The following MAML3 variants were observed in gnomAD, a reference collection of about 807,000 sequenced individuals.
The protein encoded by MAML3 is mastermind like transcriptional coactivator 3.
In MAML3, 27 loss-of-function variants were observed where a neutral mutation model predicts 101.9. That is an observed-to-expected ratio of 0.27 (90% confidence interval 0.20 to 0.37). The LOEUF is 0.37. Among genes scored for constraint, MAML3 ranks in the 10% least tolerant of loss-of-function variants. The pLI, the probability that MAML3 is intolerant of heterozygous loss-of-function variation, is 1.00. For missense variants in MAML3, 1,316 were observed against 1,444.9 expected, an observed-to-expected ratio of 0.91 and a Z score of 1.45; for synonymous variants, 501 against 555.9, an observed-to-expected ratio of 0.90 and a Z score of 1.39.
intron 1 of MAML3, among the ~76,000 whole-genome samples, chr4:139,952,684 C>T (rs1349099861): frequency 6.6e-6 from 1 of 152,148 alleles, no homozygotes; most frequent in African/African-American, 2.4e-5. Flanking sequence ...GCTGCCCAGC[C>T]AAGGACTGCA....
At chr4:139,807,175 C>T (rs1018087893) in intron 2 of MAML3, among the ~76,000 whole-genome samples, 8 of 152,132 alleles carry the variant, frequency 5.3e-5, no homozygotes, top group African/African-American at 9.7e-5. Flanking sequence ...AGCCATTTAT[C>T]GTTCTCTAAA....
At chr4:140,055,541 T>C (rs1727336570) in intron 1 of MAML3, among the ~76,000 whole-genome samples, 1 of 152,260 alleles carries the variant, frequency 6.6e-6, no homozygotes, top group African/African-American at 2.4e-5. Flanking sequence ...ATTTTGCTTA[T>C]CTTGAATCTG....
At chr4:139,868,915 A>C (rs1285973487) in intron 2 of MAML3, among the ~76,000 whole-genome samples, 2 of 152,226 alleles carry the variant, frequency 1.3e-5, no homozygotes, top group Non-Finnish European at 2.9e-5. Flanking sequence ...ACAGGAAAAG[A>C]ATTCTAAAAT....
chr4:139,755,922 AAT>A (rs1729640461), intron 2 of MAML3, among the ~76,000 whole-genome samples: 1 of 152,244 alleles, frequency 6.6e-6, no homozygotes, highest in African/African-American at 2.4e-5. Flanking sequence ...GTTGGTTGAA[AAT>A]AGTTTTTGCA....
At chr4:139,932,904 G>A (rs1405814645) in intron 1 of MAML3, among the ~76,000 whole-genome samples, 6 of 152,164 alleles carry the variant, frequency 3.9e-5, no homozygotes, top group Non-Finnish European at 8.8e-5. Flanking sequence ...AGGAAAACCC[G>A]TGGTCTCTGT....
chr4:140,147,915 AATGT>A (rs1378631761), intron 1 of MAML3, among the ~76,000 whole-genome samples: 2 of 45,058 alleles, frequency 4.4e-5, no homozygotes, highest in Admixed American at 6.2e-4. Context: ...TGAATGAGTG[AATGT>A]GTGTGTGTGT....
intron 1 of MAML3, among the ~76,000 whole-genome samples, chr4:139,918,224 T>C (rs576035980): frequency 6.6e-6 from 1 of 152,322 alleles, no homozygotes; most frequent in East Asian, 1.9e-4. Flanking sequence ...AGAGTATGTC[T>C]TTCTGCCTCA....
intron 1 of MAML3, among the ~76,000 whole-genome samples, chr4:140,091,282 T>C (rs1560890451): frequency 6.6e-6 from 1 of 152,044 alleles, no homozygotes; most frequent in Non-Finnish European, 1.5e-5. Context: ...ACAGGCAAGA[T>C]TTTTTTCCTA....
chr4:139,875,339 C>T (rs1280096227), intron 2 of MAML3, among the ~76,000 whole-genome samples: 3 of 152,072 alleles, frequency 2.0e-5, no homozygotes, highest in South Asian at 2.1e-4. Flanking sequence ...GTGGTGGGAG[C>T]GCTGCAAAAA....
intron 1 of MAML3, among the ~76,000 whole-genome samples, chr4:140,022,560 C>T (rs1338366428): frequency 6.6e-6 from 1 of 152,128 alleles, no homozygotes; most frequent in Non-Finnish European, 1.5e-5. Flanking sequence ...ATATTAATAA[C>T]ATGGAAGATC....
intron 1 of MAML3, among the ~76,000 whole-genome samples, chr4:140,116,733 G>A (rs1728524532): frequency 6.6e-6 from 1 of 152,182 alleles, no homozygotes; most frequent in Non-Finnish European, 1.5e-5. Context: ...ATGGCAGCAG[G>A]TTTTTAGAAA....
chr4:140,150,760 G>T lies in MAML3; in HGVS notation c.468+2100C>A, dbSNP rs1729144391. On this transcript the variant is annotated intron_variant, in intron 1 of 4. Transcript: ENST00000509479. Reference sequence around the variant, plus strand: ...TCCTCCGTGGAAGGGCGCTAGGGGGGCGGGGGCTGGGAGAGAAATAGGTTG... The same window carrying T: ...TCCTCCGTGGAAGGGCGCTAGGGGGTCGGGGGCTGGGAGAGAAATAGGTTG... Among the ~76,000 whole-genome samples the T allele has an allele frequency of 1.3e-5, 2 of 152,202 alleles. 1 individual carries two copies. Among genetic ancestry groups the T allele is most frequent in the South Asian group, 4.1e-4 (2 of 4,836 alleles).
At chr4:140,017,993 A>G (rs1180922060) in intron 1 of MAML3, among the ~76,000 whole-genome samples, 1 of 151,976 alleles carries the variant, frequency 6.6e-6, no homozygotes, top group African/African-American at 2.4e-5. Context: ...AGTTATCTCA[A>G]AATAAAAAGG....
intron 1 of MAML3, among the ~76,000 whole-genome samples, chr4:140,078,889 T>C (rs1365185296): frequency 2.0e-5 from 3 of 152,062 alleles, no homozygotes; most frequent in Non-Finnish European, 2.9e-5. Context: ...CCACCAGGCC[T>C]TAGAGACCAT....
At chr4:139,866,941 GAC>G (rs905187942) in intron 2 of MAML3, among the ~76,000 whole-genome samples, 4 of 152,160 alleles carry the variant, frequency 2.6e-5, no homozygotes, top group Admixed American at 2.6e-4. Context: ...AGAGGGCAGG[GAC>G]CACATGTTAA....
Position 139,825,720 on chromosome 4 carries a change from G to A in MAML3, c.2079+63637C>T, listed in dbSNP as rs116410317. ...AAAACACATCAACATCTCTCATCACGTCACTGACCTAAATATAGACAATGA... is the reference window on the plus strand; with the variant it reads ...AAAACACATCAACATCTCTCATCACATCACTGACCTAAATATAGACAATGA... On this transcript the variant is annotated intron_variant, in intron 2 of 4. Transcript: ENST00000509479. Among the ~76,000 whole-genome samples the A allele has an allele frequency of 5.9e-3, 895 of 151,210 alleles. 13 individuals carry two copies. The highest frequency in any genetic ancestry group is 0.02 in the African/African-American group (828 of 41,070).
chr4:139,730,505 C>A lies in MAML3; in HGVS notation c.2242G>T (p.Ala748Ser). The change falls in exon 3 of 5, where the codon GCC becomes TCC. Residue 748 changes from alanine (A) to serine (S), a missense_variant. By Grantham distance (99) the Ala-to-Ser change is moderately conservative. Transcript: ENST00000509479. Reference sequence around the variant, plus strand: ...TGCTTCTGCTGCTCTATCAACTGGGCCCGCTGATCAATGAGCATCTGCTTC... The same window carrying A: ...TGCTTCTGCTGCTCTATCAACTGGGACCGCTGATCAATGAGCATCTGCTTC... ...IMKQMLIDQR[A>S]QLIEQQKQQF... 6.4e-7 allele frequency: 1 copy of A among 1,555,824 alleles called. No homozygotes were observed. The highest frequency in any genetic ancestry group is 1.2e-5 in the South Asian group (1 of 84,278).
At chr4:139,771,565 C>T (rs1729980664) in intron 2 of MAML3, among the ~76,000 whole-genome samples, 2 of 152,180 alleles carry the variant, frequency 1.3e-5, no homozygotes, top group Non-Finnish European at 2.9e-5. Context: ...TCTGGGACTA[C>T]AGGATGTAAA....
intron 2 of MAML3, among the ~76,000 whole-genome samples, chr4:139,777,506 T>G (rs747656962): frequency 5.3e-5 from 8 of 152,170 alleles, no homozygotes; most frequent in Non-Finnish European, 1.2e-4. Context: ...CAATCCATTC[T>G]CCAGACACCT....
Sources: gnomAD v4.1 joint callset for allele counts (sites outside exome capture counted in the v4.1 genomes callset) on GRCh38, gnomAD v4.1.1 for gene constraint, MANE v1.5 for transcripts, NCBI Gene and HGNC (gene_info 2026-07-23, HGNC 2026-07-21) for gene names.